The following PLD3 variants were observed in gnomAD, a reference collection of about 807,000 sequenced individuals.
PLD3 encodes the protein phospholipase D family member 3.
PLD3 carries 31 observed loss-of-function variants against 58.4 expected under a neutral mutation model. The ratio of observed to expected loss-of-function variants is 0.53; its 90% CI spans 0.40 to 0.72. The LOEUF is 0.72. Ranked by LOEUF, PLD3 falls within the 30% of genes least tolerant of loss-of-function variation. The probability of loss-of-function intolerance (pLI) is 0.00; values close to 1 mark genes in which losing one functional copy is unlikely to be tolerated. For synonymous variants in PLD3, 264 were observed against 273.4 expected, an observed-to-expected ratio of 0.97 and a Z score of 0.34; for missense variants, 595 against 659.8, an observed-to-expected ratio of 0.90 and a Z score of 1.08.
intron 1 of PLD3, chr19:40,365,512 A>C (rs1310116583): frequency 6.6e-6 from 1 of 152,172 alleles, no homozygotes; most frequent in East Asian, 1.9e-4. Context: ...TCATTTTATA[A>C]GCGTTTTATT....
rs767930430 is a variant in PLD3 at position 40,371,677 on chromosome 19, A to G, written c.683A>G (p.Lys228Arg). The G allele has an allele frequency of 6.2e-5, 100 of 1,612,248 alleles. No individual in the cohort carries two copies. Among genetic ancestry groups the G allele is most frequent in the Non-Finnish European group, 7.6e-5 (90 of 1,178,856 alleles). The change falls in exon 9 of 13, where the codon AAG (lysine) becomes AGG (arginine). Residue 228 changes from lysine (K) to arginine (R), a missense_variant. Coordinates refer to ENST00000409735, the MANE Select transcript of PLD3 (RefSeq NM_012268.4). ...NMDWRSLTQV[K>R]ELGVVMYNCS... ...CTCAGCACTGCCCTCCTACAGGTCA[A>G]GGAGCTGGGCGTGGTCATGTACAAC...
chr19:40,360,048 A>G (rs1413053592), intron 1 of PLD3: 1 of 152,010 alleles, frequency 6.6e-6, no homozygotes. Context: ...GACATCTCAA[A>G]TGTTGTATGT....
chr19:40,369,087 T>C (rs2145690642), intron 6 of PLD3, among the ~76,000 whole-genome samples: 1 of 152,276 alleles, frequency 6.6e-6, no homozygotes, highest in Admixed American at 6.5e-5. Context: ...ATCATGCCAC[T>C]GCACTCTAGC....
intron 1 of PLD3, among the ~76,000 whole-genome samples, chr19:40,361,869 G>A (rs1321890190): frequency 6.7e-6 from 1 of 149,470 alleles, no homozygotes; most frequent in African/African-American, 2.5e-5. Flanking sequence ...TTGAGACGGA[G>A]TTTCCTTTGT....
At position 40,374,514 on chromosome 19, in the gene PLD3, A is replaced by G. The variant is rs546971357; in HGVS notation, c.913A>G (p.Thr305Ala). The part of the protein sequence containing the change: ...APPPLCPSGR[T>A]PDLKALLNVV... The stretch of plus-strand genomic sequence containing the variant: ...CCCACCCCTGTGTCCAAGTGGCCGC[A>G]CTCCAGACCTGAAGGCTCTACTCAA... The change falls in exon 10 of 13, where the codon ACT becomes GCT. Residue 305 changes from threonine (T) to alanine (A), a missense_variant. By Grantham distance (58) the Thr-to-Ala change is moderately conservative. Transcript: ENST00000409735. 6.6e-5 allele frequency: 107 copies of G among 1,613,926 alleles called. No homozygotes were observed. The South Asian group carries it at 1.1e-3, about 16-fold the overall frequency.
intron 8 of PLD3, chr19:40,370,868 C>T: frequency 6.5e-6 from 1 of 152,962 alleles, no homozygotes; most frequent in Non-Finnish European, 1.5e-5. Context: ...ATGTTGGGAA[C>T]ATGGTGGTAA....
At chr19:40,374,351 T>G in intron 9 of PLD3, 130 bp from the exon 10 acceptor site, 1 of 945,742 alleles carries the variant, frequency 1.1e-6, no homozygotes, top group South Asian at 1.6e-5. Flanking sequence ...TGATTGACCC[T>G]CTTCTTCATG....
chr19:40,375,019 G>A (rs1195430182), intron 10 of PLD3, among the ~76,000 whole-genome samples: 1 of 152,128 alleles, frequency 6.6e-6, no homozygotes, highest in Non-Finnish European at 1.5e-5. Context: ...AGCCGGGCGT[G>A]GTGGCACGTG....
chr19:40,366,457 C>G lies in PLD3; in HGVS notation c.-27C>G. On this transcript the variant is annotated 5_prime_UTR_variant, in exon 3 of 13. Transcript: ENST00000409735. ...ACACACCCACCTTCTCACCTGGGCT[C>G]TGCGTATCCCCCAGCCTTGAGGGAA... The G allele has an allele frequency of 1.2e-6, 2 of 1,612,688 alleles. No individual in the cohort carries two copies. The highest frequency in any genetic ancestry group is 2.7e-5 in the African/African-American group (2 of 74,992).
Position 40,364,769 on chromosome 19 carries a change from G to A in PLD3, c.-278-949G>A, listed in dbSNP as rs539588672. On this transcript the variant is annotated intron_variant, in intron 1 of 12. Transcript: ENST00000409735. ...CGAGATGGCGCCACTGCACTCCAGC[G>A]TGGGAGAGACAGAGCGAGACTGCGT... Among the ~76,000 whole-genome samples, 96 of 150,714 alleles carry A rather than the reference G, an allele frequency of 6.4e-4. No homozygotes were observed. In the Middle Eastern group the frequency reaches 0.011, roughly 17 times the overall value.
chr19:40,348,703 A>T lies in PLD3; in HGVS notation c.-344A>T, dbSNP rs1307916276. Reference sequence around the variant, plus strand: ...CTGCGCGCGGCTAGGAGGGGCCGTCAGGCGGGGATACAGCCTGGAAGGTGC... The same window carrying T: ...CTGCGCGCGGCTAGGAGGGGCCGTCTGGCGGGGATACAGCCTGGAAGGTGC... On this transcript the variant is annotated 5_prime_UTR_variant, in exon 1 of 13. Transcript: ENST00000409735. 3.2e-6 allele frequency: 2 copies of T among 624,212 alleles called. No individual in the cohort carries two copies. Among genetic ancestry groups the T allele is most frequent in the African/African-American group, 2.0e-5 (1 of 51,138 alleles). The allele number at this position is 624,212 out of a possible 1,614,324, so 38.7% of individuals were successfully genotyped here. A position where few individuals can be genotyped will look rare whatever the true frequency, so the allele number is the denominator to read the frequency against.
chr19:40,352,654 AT>A (rs2078548435), intron 1 of PLD3, among the ~76,000 whole-genome samples: 1 of 152,172 alleles, frequency 6.6e-6, no homozygotes, highest in Non-Finnish European at 1.5e-5. Context: ...ATTTAAAAAA[AT>A]AAAACAAATA....
chr19:40,376,810 G>A (rs1201739585), intron 11 of PLD3, 36 bp downstream of exon 11: 3 of 1,581,144 alleles, frequency 1.9e-6, no homozygotes, highest in South Asian at 1.1e-5. Context: ...TGGCCCCTGT[G>A]TGGGGCAGTC....
At chr19:40,362,588 A>G (rs2078814424) in intron 1 of PLD3, among the ~76,000 whole-genome samples, 1 of 152,124 alleles carries the variant, frequency 6.6e-6, no homozygotes, top group Non-Finnish European at 1.5e-5. Flanking sequence ...CGTCCACACC[A>G]TCATACCAGG....
chr19:40,376,831 A>C, intron 11 of PLD3, 57 bp downstream of exon 11: 1 of 1,494,674 alleles, frequency 6.7e-7, no homozygotes, highest in South Asian at 1.2e-5. Flanking sequence ...CTAGGGACAC[A>C]GCCCTCATGG....
rs1344122512 is a variant in PLD3 at position 40,374,595 on chromosome 19, A to G, written c.994A>G (p.Thr332Ala). Residue 332 changes from threonine (T) to alanine (A), a missense_variant, in exon 10 of 13, where the codon ACT (threonine) becomes GCT (alanine). Transcript: ENST00000409735. Reference sequence around the variant, plus strand: ...CGTCGCTGTCATGAACTACCTGCCCACTCTGGAGTTCTCCCACCCTCACAG... The same window carrying G: ...CGTCGCTGTCATGAACTACCTGCCCGCTCTGGAGTTCTCCCACCCTCACAG... ...IYVAVMNYLP[T>A]LEFSHPHRFW... The G allele has an allele frequency of 1.9e-6, 3 of 1,613,960 alleles. No homozygotes were observed. The highest frequency in any genetic ancestry group is 2.2e-5 in the South Asian group (2 of 91,058).
intron 1 of PLD3, among the ~76,000 whole-genome samples, chr19:40,349,787 C>G (rs185099487): frequency 6.6e-6 from 1 of 150,578 alleles, no homozygotes; most frequent in African/African-American, 2.4e-5. Context: ...GGAGAAACCC[C>G]GTCTCTACTA....
Position 40,376,716 on chromosome 19 carries a change from C to A in PLD3, c.1127C>A (p.Ala376Asp), listed in dbSNP as rs754168979. ...CWGHSEPSMRAFLLSLAALRD... is the reference protein window; with the variant it reads ...CWGHSEPSMRDFLLSLAALRD... Reference sequence around the variant, plus strand: ...GGACACTCGGAGCCATCCATGCGGGCCTTCCTGCTCTCTCTGGCTGCCCTG... The same window carrying A: ...GGACACTCGGAGCCATCCATGCGGGACTTCCTGCTCTCTCTGGCTGCCCTG... Residue 376 changes from alanine (A) to aspartate (D), a missense_variant, in exon 11 of 13, where the codon GCC becomes GAC. Transcript: ENST00000409735. The A allele has an allele frequency of 6.2e-7, 1 of 1,602,898 alleles. No individual in the cohort carries two copies. The highest frequency in any genetic ancestry group is 8.5e-7 in the Non-Finnish European group (1 of 1,179,962).
At chr19:40,367,229 G>A (rs140654868) in intron 5 of PLD3, 29 of 347,544 alleles carry the variant, frequency 8.3e-5, no homozygotes, top group African/African-American at 5.5e-4. Flanking sequence ...CATGAGTCCA[G>A]GCACGCATTC....
Sources: allele counts gnomAD v4.1 joint callset (sites outside exome capture counted in the v4.1 genomes callset), GRCh38; gene constraint gnomAD v4.1.1; transcripts MANE v1.5; gene names NCBI Gene and HGNC (gene_info 2026-07-23, HGNC 2026-07-21).